The following SND1 variants were observed in gnomAD, a reference collection of about 807,000 sequenced individuals.
SND1 encodes staphylococcal nuclease and tudor domain containing 1, also known as staphylococcal nuclease domain-containing protein 1.
A neutral mutation model predicts 121.7 loss-of-function variants in SND1; 38 were observed. The observed-to-expected ratio is 0.31, with a 90% confidence interval of 0.24 to 0.41. The LOEUF is 0.41. Among genes scored for constraint, SND1 ranks in the 10% least tolerant of loss-of-function variants. The pLI is 1.00. For missense variants in SND1, 868 were observed against 1,184.6 expected (o/e 0.73, Z 3.92); for synonymous variants, 401 against 447.4 (o/e 0.90, Z 1.31).
In SND1 at chr7:128,029,835, A is replaced by T; in HGVS notation, c.1779+38779A>T. 1 of 1,613,568 alleles carries T rather than the reference A, an allele frequency of 6.2e-7. No individual in the cohort carries two copies. The highest frequency in any genetic ancestry group is 1.1e-5 in the South Asian group (1 of 91,084). ...GTTATTGTGGGCCAAGTTGAGTTCC[A>T]CAAGTGAAGCCAGCCCGTCAAAAGC... On this transcript the variant is annotated intron_variant, in intron 16 of 23. Coordinates refer to ENST00000354725, the MANE Select transcript of SND1 (RefSeq NM_014390.4). This position sits in a 1 kb window ranked among gnomAD's most constrained non-coding sequence, Gnocchi z 4.2.
At chr7:127,705,570 A>AAGATGTAGATGTAGATGTAGATGT (rs755656199) in intron 8 of SND1, among the ~76,000 whole-genome samples, 7 of 146,070 alleles carry the variant, frequency 4.8e-5, no homozygotes, top group East Asian at 1.9e-4. Flanking sequence ...TGTCAGCGTC[A>AAGATGTAGATGTAGATGTAGATGT]AGATGTAGAT....
At chr7:127,702,202 C>G (rs145156480) in intron 5 of SND1, among the ~76,000 whole-genome samples, 7 of 152,268 alleles carry the variant, frequency 4.6e-5, no homozygotes, top group East Asian at 1.9e-4. Flanking sequence ...CATGAGGTCC[C>G]AGACAGTTCA....
intron 11 of SND1, among the ~76,000 whole-genome samples, chr7:127,820,580 A>G (rs1435216006): frequency 6.6e-6 from 1 of 152,232 alleles, no homozygotes; most frequent in Non-Finnish European, 1.5e-5. Flanking sequence ...ATGATGTCTC[A>G]ACATTCAGAG....
intron 11 of SND1, among the ~76,000 whole-genome samples, chr7:127,815,613 T>C (rs1248139440): frequency 2.0e-5 from 3 of 151,974 alleles, no homozygotes; most frequent in Non-Finnish European, 4.4e-5. Context: ...TGGTTTTAGC[T>C]ACAAGCCAGG....
At chr7:127,893,518 G>A (rs536849632) in intron 13 of SND1, among the ~76,000 whole-genome samples, 6 of 152,130 alleles carry the variant, frequency 3.9e-5, no homozygotes, top group African/African-American at 1.4e-4. Flanking sequence ...TCTAAGATTT[G>A]CAATTTCAAG....
At chr7:127,987,093 G>GCAGGATC (rs1802409102) in intron 15 of SND1, among the ~76,000 whole-genome samples, 1 of 152,184 alleles carries the variant, frequency 6.6e-6, no homozygotes, top group South Asian at 2.1e-4. Context: ...GTGGTAACAT[G>GCAGGATC]CAGGATCCAG....
chr7:128,090,396 C>A (rs547867603), intron 22 of SND1, among the ~76,000 whole-genome samples: 1 of 152,306 alleles, frequency 6.6e-6, no homozygotes, highest in Admixed American at 6.5e-5. Flanking sequence ...ATTTCTGAGT[C>A]CCTCTCTACC....
At chr7:127,793,428 C>G (rs1284431457) in intron 10 of SND1, among the ~76,000 whole-genome samples, 2 of 152,122 alleles carry the variant, frequency 1.3e-5, no homozygotes, top group Non-Finnish European at 2.9e-5. Context: ...AATGTGCAAG[C>G]AGATAGCACC....
chr7:127,856,399 C>T (rs1799274662), intron 12 of SND1, among the ~76,000 whole-genome samples: 1 of 152,196 alleles, frequency 6.6e-6, no homozygotes, highest in African/African-American at 2.4e-5. Flanking sequence ...TACTCAAAGC[C>T]ATAGTCCATG....
chr7:127,876,925 CATT>C (rs1332955655), intron 12 of SND1, among the ~76,000 whole-genome samples: 4 of 152,050 alleles, frequency 2.6e-5, no homozygotes, highest in Non-Finnish European at 5.9e-5. Context: ...TTTCTTCTCT[CATT>C]GTGATGATTG....
chr7:127,759,617 T>G (rs1277204014), intron 10 of SND1, among the ~76,000 whole-genome samples: 1 of 152,230 alleles, frequency 6.6e-6, no homozygotes, highest in Non-Finnish European at 1.5e-5. Flanking sequence ...TCATTGCTAC[T>G]GGAGTGTTGC....
At chr7:127,817,767 G>A (rs1023060608) in intron 11 of SND1, among the ~76,000 whole-genome samples, 13 of 92,854 alleles carry the variant, frequency 1.4e-4, no homozygotes, top group Non-Finnish European at 2.2e-4. Flanking sequence ...TCTTACCTCT[G>A]TTCTGTATTC....
chr7:127,701,348 T>C, intron 5 of SND1, 25 bp downstream of exon 5: 1 of 1,607,118 alleles, frequency 6.2e-7, no homozygotes, highest in Non-Finnish European at 8.5e-7. Context: ...AACAGACAGA[T>C]ACGACTCAGG....
Position 127,955,498 on chromosome 7 carries a change from G to A in SND1, c.1669+26169G>A, listed in dbSNP as rs2116861643. On this transcript the variant is annotated intron_variant, in intron 15 of 23. Transcript: ENST00000354725. Reference sequence around the variant, plus strand: ...GCTACTTCTCTCCCCCTAGCCAGTGGAGTTGTGGGGGGGTGGTGGCACGTG... The same window carrying A: ...GCTACTTCTCTCCCCCTAGCCAGTGAAGTTGTGGGGGGGTGGTGGCACGTG... 2.0e-5 allele frequency among the ~76,000 whole-genome samples: 3 copies of A among 152,256 alleles called. No homozygotes were observed. The South Asian group carries it at 6.2e-4, about 32-fold the overall frequency.
intron 14 of SND1, among the ~76,000 whole-genome samples, chr7:127,905,599 C>T (rs529316633): frequency 7.2e-5 from 11 of 152,164 alleles, no homozygotes; most frequent in African/African-American, 1.9e-4. Context: ...TGTCAGGTAG[C>T]GAAAACTACT....
At chr7:127,776,228 A>G (rs914111076) in intron 10 of SND1, among the ~76,000 whole-genome samples, 1 of 152,216 alleles carries the variant, frequency 6.6e-6, no homozygotes, top group Non-Finnish European at 1.5e-5. Context: ...TGGGGCACCA[A>G]TCACAACAAT....
At chr7:127,767,051 A>AAG (rs1057397116) in intron 10 of SND1, among the ~76,000 whole-genome samples, 1 of 152,016 alleles carries the variant, frequency 6.6e-6, no homozygotes, top group South Asian at 2.1e-4. Flanking sequence ...GTTAGATGGG[A>AAG]AGAGAGAGAG....
chr7:128,050,946 C>T (rs941762795), intron 16 of SND1, among the ~76,000 whole-genome samples: 2 of 152,224 alleles, frequency 1.3e-5, no homozygotes, highest in Non-Finnish European at 2.9e-5. Flanking sequence ...TCCATTTTGA[C>T]CGTAGACTCC....
At position 128,029,408 on chromosome 7, in the gene SND1, A is replaced by G; in HGVS notation, c.1779+38352A>G. The G allele has an allele frequency of 1.2e-6, 2 of 1,614,202 alleles. No individual in the cohort carries two copies. Among genetic ancestry groups the G allele is most frequent in the Non-Finnish European group, 1.7e-6 (2 of 1,180,040 alleles). The stretch of plus-strand genomic sequence containing the variant: ...CAGTGTCTGAAAGCAGCACGTGGGA[A>G]AAGTTCAAGGTGCCGTCGTTGAGGA... On this transcript the variant is annotated intron_variant, in intron 16 of 23. Coordinates refer to ENST00000354725, the MANE Select transcript of SND1 (RefSeq NM_014390.4). The surrounding 1 kb of genome is among the most constrained non-coding windows in gnomAD (Gnocchi z 4.2).
Sources: allele counts gnomAD v4.1 joint callset (sites outside exome capture counted in the v4.1 genomes callset), GRCh38; gene constraint gnomAD v4.1.1; non-coding constraint Gnocchi (gnomAD v3.1); transcripts MANE v1.5; gene names NCBI Gene and HGNC (gene_info 2026-07-23, HGNC 2026-07-21).